MGAM: variants seen among roughly 807,000 people sequenced by gnomAD.
The protein encoded by MGAM is alpha-1,4-glucosidase.
In MGAM, 253 loss-of-function variants were observed where a neutral mutation model predicts 358.8. The ratio of observed to expected loss-of-function variants is 0.71; its 90% CI spans 0.64 to 0.78. The LOEUF (loss-of-function observed/expected upper bound fraction) is 0.78. MGAM is among the 30% of genes least tolerant of loss of function. The pLI, the probability that MGAM is intolerant of heterozygous loss-of-function variation, is 0.00. For synonymous variants in MGAM, 1,105 were observed against 1,227.1 expected, an observed-to-expected ratio of 0.90 and a Z score of 2.08; for missense variants, 3,080 against 3,432.6, an observed-to-expected ratio of 0.90 and a Z score of 2.57.
chr7:142,021,808 G>A, intron 6 of MGAM, 71 bp downstream of exon 6: 2 of 1,504,464 alleles, frequency 1.3e-6, no homozygotes, highest in Non-Finnish European at 1.8e-6. Context: ...ATGAAGAAGG[G>A]GGTGTTTCAA....
chr7:142,047,836 A>G lies in MGAM; in HGVS notation c.2550A>G (p.Ala850=). The part of the protein sequence containing the change: ...LIIALDENKE[A]KGELFWDNGE... ...TTGCCCTAGATGAGAACAAAGAAGCAAAAGGAGAACTTTTCTGGGATAATG... is the reference window on the plus strand; with the variant it reads ...TTGCCCTAGATGAGAACAAAGAAGCGAAAGGAGAACTTTTCTGGGATAATG... Residue 850 remains alanine, a synonymous_variant, in exon 22 of 71, where the codon GCA becomes GCG. Coordinates refer to ENST00000475668, the MANE Select transcript of MGAM (RefSeq NM_001365693.1). 1.2e-6 allele frequency: 2 copies of G among 1,612,664 alleles called. No homozygotes were observed. The highest frequency in any genetic ancestry group is 1.7e-6 in the Non-Finnish European group (2 of 1,178,804).
At chr7:142,094,535 A>C in intron 61 of MGAM, 38 bp downstream of exon 61, 1 of 1,555,960 alleles carries the variant, frequency 6.4e-7, no homozygotes, top group Non-Finnish European at 8.8e-7. Flanking sequence ...CCGGTAGGGC[A>C]GGGAGTTGGG....
rs2129000618 is a variant in MGAM at position 142,027,158 on chromosome 7, T to C, written c.1026T>C (p.Ile342=). ...QPAPAITYRT[I]GGILDFYVFL... ...CGCCAGCCATCACTTACCGCACCAT[T>C]GGGGGCATTCTCGACTTCTATGTGT... Residue 342 remains isoleucine, a synonymous_variant, in exon 9 of 71, where the codon ATT becomes ATC. Coordinates refer to ENST00000475668, the MANE Select transcript of MGAM (RefSeq NM_001365693.1). The C allele has an allele frequency of 6.2e-7, 1 of 1,613,826 alleles. No homozygotes were observed. The highest frequency in any genetic ancestry group is 2.2e-5 in the East Asian group (1 of 44,884).
At chr7:142,097,450 G>T (rs577863658) in intron 65 of MGAM, 143 bp from the exon 66 acceptor site, 16 of 742,052 alleles carry the variant, frequency 2.2e-5, no homozygotes, top group Non-Finnish European at 3.2e-5. Flanking sequence ...GGGATGGAAG[G>T]TTTCCTCAAT....
chr7:141,990,665 T>C (rs113405125), intron 2 of MGAM, among the ~76,000 whole-genome samples: 2 of 152,080 alleles, frequency 1.3e-5, no homozygotes, highest in Non-Finnish European at 2.9e-5. Context: ...TCTTTTTTTT[T>C]ATGTTTTTTT....
Position 142,106,027 on chromosome 7 carries a change from GT to G in MGAM, c.*142del. 1.4e-6 allele frequency: 1 copy of G among 718,050 alleles called. No homozygotes were observed. The highest frequency in any genetic ancestry group is 1.8e-5 in the South Asian group (1 of 56,576). The allele number at this position is 718,050 out of a possible 1,614,324, so 44.5% of individuals were successfully genotyped here. On this transcript the variant is annotated 3_prime_UTR_variant, in exon 71 of 71. Transcript: ENST00000475668. ...AATATTTCTGTTAATTTTGTTATAT[GT>G]TTTTTGTGTGAACCCTAAAGGTTAA...
At chr7:142,092,111 G>C in intron 58 of MGAM, 64 bp downstream of exon 58, 1 of 1,512,776 alleles carries the variant, frequency 6.6e-7, no homozygotes, top group Non-Finnish European at 9.0e-7. Context: ...CTACGTGTAT[G>C]TACCACTGAC....
At chr7:142,076,626 C>A (rs1585065043) in intron 46 of MGAM, 33 bp from the exon 47 acceptor site, 1 of 1,468,746 alleles carries the variant, frequency 6.8e-7, no homozygotes, top group Non-Finnish European at 9.4e-7. Context: ...ACAGGCATAC[C>A]TTTATGCATA....
chr7:142,074,310 T>A, intron 45 of MGAM, 137 bp downstream of exon 45: 1 of 685,692 alleles, frequency 1.5e-6, no homozygotes, highest in Non-Finnish European at 2.4e-6. Context: ...ATTTTGTTTC[T>A]GGTTGCACCA....
upstream of MGAM, among the ~76,000 whole-genome samples, chr7:141,994,890 T>C (rs1271575772): frequency 6.6e-6 from 1 of 152,228 alleles, no homozygotes; most frequent in Non-Finnish European, 1.5e-5. Flanking sequence ...ACGAAACCTC[T>C]TTTCTTTATA....
At chr7:142,012,929 G>A (rs1805707132) in intron 3 of MGAM, among the ~76,000 whole-genome samples, 1 of 152,140 alleles carries the variant, frequency 6.6e-6, no homozygotes, top group Admixed American at 6.6e-5. Context: ...AGTGCTGCAA[G>A]AGACAGAGGC....
At chr7:142,024,991 A>G in intron 7 of MGAM, 59 bp from the exon 8 acceptor site, 1 of 1,240,710 alleles carries the variant, frequency 8.1e-7, no homozygotes, top group Non-Finnish European at 1.2e-6. Context: ...AACCAACCCC[A>G]CAGTGTGATG....
Position 142,059,930 on chromosome 7 carries a change from C to G in MGAM, c.4023C>G (p.Ile1341Met), listed in dbSNP as rs371809571. ...FTRGVEDDVFIKYPNDGDIVW... is the reference protein window; with the variant it reads ...FTRGVEDDVFMKYPNDGDIVW... ...GGGGCGTGGAGGATGACGTCTTCAT[C>G]AAATACCCAAATGATGGAGACATTG... The change falls in exon 33 of 71, where the codon ATC (isoleucine) becomes ATG (methionine). Residue 1341 changes from isoleucine to methionine, a missense_variant. Physicochemically the swap from Ile to Met is conservative, Grantham distance 10. This residue lies in a region of MGAM where 1,816 missense variants were observed against 1,840.5 expected (regional missense o/e 0.99). Coordinates refer to ENST00000475668, the MANE Select transcript of MGAM (RefSeq NM_001365693.1). The G allele has an allele frequency of 6.2e-7, 1 of 1,609,510 alleles. No individual in the cohort carries two copies. Among genetic ancestry groups the G allele is most frequent in the East Asian group, 2.2e-5 (1 of 44,776 alleles).
At position 142,009,426 on chromosome 7, in the gene MGAM, GAGCTGTACTCAATAGCTCACTCA is replaced by G. The variant is rs1226213871; in HGVS notation, c.327+745_327+767del. Among the ~76,000 whole-genome samples the G allele has an allele frequency of 5.6e-4, 85 of 152,150 alleles. 4 individuals are homozygous for G. The South Asian group carries it at 0.017, about 30-fold the overall frequency. On this transcript the variant is annotated intron_variant, in intron 3 of 70. Transcript: ENST00000475668. ...GTGCAAGTTACTCAATAGCTCAATT[GAGCTGTACTCAATAGCTCACTCA>G]AGCTGTACTCAATAGCTCACTCATT...
At chr7:142,080,748 C>G (rs1814182815) in intron 49 of MGAM, 43 bp from the exon 50 acceptor site, 3 of 1,500,974 alleles carry the variant, frequency 2.0e-6, no homozygotes, top group Non-Finnish European at 2.7e-6. Context: ...GTATAGGTTT[C>G]AAGAGTAGTA....
chr7:142,075,261 G>A (rs1813645041), intron 45 of MGAM, among the ~76,000 whole-genome samples: 1 of 146,184 alleles, frequency 6.8e-6, no homozygotes, highest in African/African-American at 2.4e-5. Context: ...AGACACTTAG[G>A]TTGTTTTCAT....
In MGAM at chr7:142,060,277, A is replaced by C. The variant is rs373421497; in HGVS notation, c.4060-34A>C. Reference sequence around the variant, plus strand: ...AAATACTATGTAAGGGAAATTGTCTAGTGCATCGCTACTGAACGTATTTCT... The same window carrying C: ...AAATACTATGTAAGGGAAATTGTCTCGTGCATCGCTACTGAACGTATTTCT... On this transcript the variant is annotated intron_variant, in intron 33 of 70. Transcript: ENST00000475668. 8.5e-4 allele frequency: 1,358 copies of C among 1,606,716 alleles called. 4 individuals carry two copies. Among genetic ancestry groups the C allele is most frequent in the South Asian group, 1.6e-3 (147 of 90,870 alleles).
At position 142,044,586 on chromosome 7, in the gene MGAM, T is replaced by A. The variant is rs1271537232; in HGVS notation, c.2499-3199T>A. 8.5e-4 allele frequency among the ~76,000 whole-genome samples: 109 copies of A among 128,154 alleles called. 1 individual carries two copies. The highest frequency in any genetic ancestry group is 2.9e-3 in the African/African-American group (102 of 35,246). 84.1% of individuals were successfully genotyped at this position (128,154 alleles called of 152,430 possible). A position where few individuals can be genotyped will look rare whatever the true frequency, so the allele number is the denominator to read the frequency against. On this transcript the variant is annotated intron_variant, in intron 21 of 70. Coordinates refer to ENST00000475668, the MANE Select transcript of MGAM (RefSeq NM_001365693.1). ...CACGTGTAATATATGATATATAATG[T>A]ATATTATATACACGTGTAATATATG...
intron 45 of MGAM, among the ~76,000 whole-genome samples, chr7:142,074,412 C>T (rs1025592502): frequency 6.2e-5 from 9 of 145,738 alleles, no homozygotes; most frequent in Non-Finnish European, 1.1e-4. Flanking sequence ...CCTATAATGG[C>T]TCTTATTTTA....
Sources: gnomAD v4.1 joint callset for allele counts (sites outside exome capture counted in the v4.1 genomes callset) on GRCh38, gnomAD v4.1.1 for gene constraint, gnomAD v4.1.1 regional missense constraint, MANE v1.5 for transcripts, NCBI Gene and HGNC (gene_info 2026-07-23, HGNC 2026-07-21) for gene names.